Variants in KCNQ1 observed in about 807,000 individuals in gnomAD.
KCNQ1 encodes the protein potassium voltage-gated channel subfamily KQT member 1.
In KCNQ1, 49 loss-of-function variants were observed where a neutral mutation model predicts 72.4. The observed-to-expected ratio is 0.68, with a 90% CI of 0.54 to 0.86. The LOEUF is 0.86. Ranked by LOEUF, KCNQ1 falls within the 40% of genes least tolerant of loss-of-function variation. The pLI is 0.00. For synonymous variants in KCNQ1, 450 were observed against 412.6 expected (o/e 1.09, Z -1.10); for missense variants, 790 against 945.1 (o/e 0.84, Z 2.15).
rs1488499788 is a variant in KCNQ1, at chr11:2,659,485, A to G, written c.1394-2476A>G. 2.5e-5 allele frequency: 10 copies of G among 398,380 alleles called. No individual in the cohort carries two copies. The highest frequency in any genetic ancestry group is 6.2e-5 in the African/African-American group (3 of 48,608). The allele number at this position is 398,380 out of a possible 1,614,324, so 24.7% of individuals were successfully genotyped here. A position where few individuals can be genotyped will look rare whatever the true frequency, so the allele number is the denominator to read the frequency against. On this transcript the variant is annotated intron_variant, in intron 10 of 15. Transcript: ENST00000155840. The surrounding 1 kb of genome is among the most constrained non-coding windows in gnomAD (Gnocchi z 4.3). ...GGTATTCCATTGCATGAATATATAC[A>G]TTTTGTTTATGCATTCACCTGTTGA...
In KCNQ1 at chr11:2,508,801, C is replaced by A. The variant is rs773164821; in HGVS notation, c.387-19127C>A. 6.6e-6 allele frequency among the ~76,000 whole-genome samples: 1 copy of A among 152,244 alleles called. No homozygotes were observed. Among genetic ancestry groups the A allele is most frequent in the African/African-American group, 2.4e-5 (1 of 41,468 alleles). On this transcript the variant is annotated intron_variant, in intron 1 of 15. Transcript: ENST00000155840. The surrounding 1 kb of genome is among the most constrained non-coding windows in gnomAD (Gnocchi z 6.2). Reference sequence around the variant, plus strand: ...AGGAAGAAAGCCATCAATTCCCCTGCTCTCATACAGGCTTGAGGAGGGCTA... The same window carrying A: ...AGGAAGAAAGCCATCAATTCCCCTGATCTCATACAGGCTTGAGGAGGGCTA...
intron 11 of KCNQ1, among the ~76,000 whole-genome samples, chr11:2,722,575 A>G (rs1208677057): frequency 6.6e-6 from 1 of 152,192 alleles, no homozygotes; most frequent in Non-Finnish European, 1.5e-5. Context: ...AGCTGAGAAT[A>G]GAACTGGCAG....
chr11:2,774,691 T>C (rs1846659820), intron 12 of KCNQ1, among the ~76,000 whole-genome samples: 1 of 152,230 alleles, frequency 6.6e-6, no homozygotes, highest in African/African-American at 2.4e-5. Context: ...TGAAAGTGGG[T>C]ACATGGAGAC....
intron 11 of KCNQ1, chr11:2,667,717 G>A (rs537597797): frequency 2.4e-4 from 94 of 398,764 alleles, no homozygotes; most frequent in East Asian, 9.3e-4. Flanking sequence ...TCTGGAAGCC[G>A]TGTCCCCTTA....
In KCNQ1 at chr11:2,669,788, T is replaced by C. The variant is rs1039652206; in HGVS notation, c.1514+7707T>C. On this transcript the variant is annotated intron_variant, in intron 11 of 15. Transcript: ENST00000155840. This position sits in a 1 kb window ranked among gnomAD's most constrained non-coding sequence, Gnocchi z 5.6. ...TGTGATGGGAGATCCTGTGGGGACA[T>C]TCCTTATTTGGCCTGAGAGCTTTTG... 2 of 398,512 alleles carry C rather than the reference T, an allele frequency of 5.0e-6. No homozygotes were observed. The highest frequency in any genetic ancestry group is 2.1e-5 in the African/African-American group (1 of 48,624). The allele number at this position is 398,512 out of a possible 1,614,324, so 24.7% of individuals were successfully genotyped here.
intron 11 of KCNQ1, among the ~76,000 whole-genome samples, chr11:2,739,110 G>A (rs1590062032): frequency 6.6e-6 from 1 of 152,332 alleles, no homozygotes; most frequent in East Asian, 1.9e-4. Flanking sequence ...CTGTCCTGGG[G>A]TGGCCTTGAG....
intron 15 of KCNQ1, among the ~76,000 whole-genome samples, chr11:2,843,718 TAACCAC>T (rs1848258731): frequency 6.6e-6 from 1 of 152,272 alleles, no homozygotes; most frequent in African/African-American, 2.4e-5. Flanking sequence ...AACAAATTCA[TAACCAC>T]ATCAAACAGG....
rs950518714 is a variant in KCNQ1, at chr11:2,464,749, G to GAA, written c.386+19267_386+19268dup. On this transcript the variant is annotated intron_variant, in intron 1 of 15. Transcript: ENST00000155840. The surrounding 1 kb of genome is among the most constrained non-coding windows in gnomAD (Gnocchi z 5.0). The stretch of plus-strand genomic sequence containing the variant: ...TGGGAAGAACAGTCTGGGCGAGGAG[G>GAA]AAAGGGTGGCTCTGCTGACCCCTCC... Among the ~76,000 whole-genome samples, 2 of 152,136 alleles carry GAA rather than the reference G, an allele frequency of 1.3e-5. No homozygotes were observed. The highest frequency in any genetic ancestry group is 2.4e-5 in the African/African-American group (1 of 41,410).
chr11:2,640,511 C>A, intron 10 of KCNQ1: 1 of 397,956 alleles, frequency 2.5e-6, no homozygotes, highest in South Asian at 1.3e-4. Context: ...GTCTTGAATT[C>A]CTGGGCTCAA....
intron 15 of KCNQ1, among the ~76,000 whole-genome samples, chr11:2,845,889 G>A (rs933936332): frequency 1.3e-5 from 2 of 152,128 alleles, no homozygotes; most frequent in African/African-American, 4.8e-5. Context: ...CCTGTTGGCC[G>A]CCTCTTCCTT....
intron 10 of KCNQ1, chr11:2,643,509 C>A: frequency 2.5e-6 from 1 of 398,434 alleles, no homozygotes; most frequent in Non-Finnish European, 4.4e-6. Context: ...CATGTAATAT[C>A]TTTTCCCATT....
chr11:2,816,077 T>G lies in KCNQ1; in HGVS notation c.1795-31690T>G, dbSNP rs1590107280. 6.6e-6 allele frequency among the ~76,000 whole-genome samples: 1 copy of G among 151,984 alleles called. No homozygotes were observed. The highest frequency in any genetic ancestry group is 2.1e-4 in the South Asian group (1 of 4,816). ...CGGCTGGCGGCCGGGGCTTGGGAGA[T>G]CAAGAAGTCCCTGAGGAAGAGGACA... On this transcript the variant is annotated intron_variant, in intron 15 of 15. Coordinates refer to ENST00000155840, the MANE Select transcript of KCNQ1 (RefSeq NM_000218.3). This position sits in a 1 kb window ranked among gnomAD's most constrained non-coding sequence, Gnocchi z 6.8.
chr11:2,837,429 G>A (rs1364217835), intron 15 of KCNQ1, among the ~76,000 whole-genome samples: 1 of 152,222 alleles, frequency 6.6e-6, no homozygotes. Flanking sequence ...GCCCGGGCCT[G>A]AGCCCCCAGG....
chr11:2,527,780 C>T (rs979941238), intron 1 of KCNQ1, 148 bp from the exon 2 acceptor site: 1 of 720,658 alleles, frequency 1.4e-6, no homozygotes, highest in Non-Finnish European at 2.5e-6. Context: ...CTAGTGTGTG[C>T]TTACCAGCTA....
Position 2,541,630 on chromosome 11 carries a change from G to A in KCNQ1, c.477+13612G>A, listed in dbSNP as rs1847825255. The stretch of plus-strand genomic sequence containing the variant: ...AGCAGGGCTTTGTCCCCACCGTTAG[G>A]ATACTCTGAACGTTCCCAGAAAGCC... On this transcript the variant is annotated intron_variant, in intron 2 of 15. Coordinates refer to ENST00000155840, the MANE Select transcript of KCNQ1 (RefSeq NM_000218.3). This position sits in a 1 kb window ranked among gnomAD's most constrained non-coding sequence, Gnocchi z 4.8. 6.6e-6 allele frequency among the ~76,000 whole-genome samples: 1 copy of A among 152,030 alleles called. No homozygotes were observed. Among genetic ancestry groups the A allele is most frequent in the Non-Finnish European group, 1.5e-5 (1 of 68,020 alleles).
intron 1 of KCNQ1, among the ~76,000 whole-genome samples, chr11:2,524,858 G>C (rs930390827): frequency 6.6e-6 from 1 of 151,336 alleles, no homozygotes; most frequent in African/African-American, 2.5e-5. Context: ...TCCATGTGCA[G>C]ATGGTGCCCT....
At chr11:2,656,872 G>C (rs940529857) in intron 10 of KCNQ1, 4 of 398,408 alleles carry the variant, frequency 1.0e-5, no homozygotes, top group Non-Finnish European at 1.8e-5. Flanking sequence ...CAATCCCCTA[G>C]AATGACAAGA....
Position 2,647,232 on chromosome 11 carries a change from C to A in KCNQ1, c.1394-14729C>A. The A allele has an allele frequency of 2.5e-6, 1 of 398,214 alleles. No homozygotes were observed. The highest frequency in any genetic ancestry group is 1.3e-4 in the South Asian group (1 of 7,724). The allele number at this position is 398,214 out of a possible 1,614,324, so 24.7% of individuals were successfully genotyped here. A position where few individuals can be genotyped will look rare whatever the true frequency, so the allele number is the denominator to read the frequency against. ...CTTTTTCTGCATCTATTGAGATGAT[C>A]ATGTATTTTTTTGTCCTTCCTTCTG... On this transcript the variant is annotated intron_variant, in intron 10 of 15. Transcript: ENST00000155840. This position sits in a 1 kb window ranked among gnomAD's most constrained non-coding sequence, Gnocchi z 4.0.
rs1308296138 is a variant in KCNQ1, at chr11:2,611,050, A to G, written c.1393+22196A>G. The stretch of plus-strand genomic sequence containing the variant: ...TCTTCATTTCTGACAGTTTTATTTC[A>G]TATACTTCAGGGCTGTGTTTTTAGC... On this transcript the variant is annotated intron_variant, in intron 10 of 15. Coordinates refer to ENST00000155840, the MANE Select transcript of KCNQ1 (RefSeq NM_000218.3). The surrounding 1 kb of genome is among the most constrained non-coding windows in gnomAD (Gnocchi z 5.3). 7.5e-6 allele frequency: 3 copies of G among 398,242 alleles called. No individual in the cohort carries two copies. Among genetic ancestry groups the G allele is most frequent in the Non-Finnish European group, 1.3e-5 (3 of 225,976 alleles). The allele number at this position is 398,242 out of a possible 1,614,324, so 24.7% of individuals were successfully genotyped here.
Sources: gnomAD v4.1 joint callset for allele counts (sites outside exome capture counted in the v4.1 genomes callset) on GRCh38, gnomAD v4.1.1 for gene constraint, Gnocchi (gnomAD v3.1) non-coding constraint, MANE v1.5 for transcripts, NCBI Gene and HGNC (gene_info 2026-07-23, HGNC 2026-07-21) for gene names.